Variants in SIGLEC1 observed in about 807,000 individuals in gnomAD.
SIGLEC1 encodes sialoadhesin.
In SIGLEC1, 132 loss-of-function variants were observed where a neutral mutation model predicts 148.0. The observed-to-expected ratio is 0.89, with a 90% confidence interval of 0.77 to 1.03. The LOEUF (loss-of-function observed/expected upper bound fraction) is 1.03. Among genes scored for constraint, SIGLEC1 ranks in the 50% least tolerant of loss-of-function variants. The probability of loss-of-function intolerance (pLI) is 0.00; values close to 1 mark genes in which losing one functional copy is unlikely to be tolerated. For synonymous variants in SIGLEC1, 945 were observed against 969.0 expected, an observed-to-expected ratio of 0.98 and a Z score of 0.46; for missense variants, 2,253 against 2,271.4, an observed-to-expected ratio of 0.99 and a Z score of 0.16.
Position 3,694,457 on chromosome 20 carries a change from A to G in SIGLEC1, c.3020T>C (p.Val1007Ala). The stretch of plus-strand genomic sequence containing the variant: ...CAGCTGGGCCGGAGGGTCACTGTCC[A>G]CACGGCACAGGAGGAGGCCCAGTCG... ...PGRLGLLLCRVDSDPPAQLRL... is the reference protein window; with the variant it reads ...PGRLGLLLCRADSDPPAQLRL... The change falls in exon 13 of 22, where the codon GTG (valine) becomes GCG (alanine). Residue 1007 changes from valine (V) to alanine (A), a missense_variant. Coordinates refer to ENST00000344754, the MANE Select transcript of SIGLEC1 (RefSeq NM_023068.4). 1 of 1,607,912 alleles carries G rather than the reference A, an allele frequency of 6.2e-7. No homozygotes were observed. The highest frequency in any genetic ancestry group is 1.1e-5 in the South Asian group (1 of 90,628).
Position 3,694,367 on chromosome 20 carries a change from C to T in SIGLEC1, c.3110G>A (p.Ser1037Asn), listed in dbSNP as rs773610472. Residue 1037 changes from serine (S) to asparagine (N), a missense_variant, in exon 13 of 22, where the codon AGC becomes AAC. By Grantham distance (46) the Ser-to-Asn change is conservative. Coordinates refer to ENST00000344754, the MANE Select transcript of SIGLEC1 (RefSeq NM_023068.4). ...TLQGVGGPEGSSPRLHVAVAP... is the reference protein window; with the variant it reads ...TLQGVGGPEGNSPRLHVAVAP... ...CACAGCCACATGCAGCCTGGGAGAG[C>T]TGCCTTCGGGTCCCCCCACACCTTG... 7 of 1,613,164 alleles carry T rather than the reference C, an allele frequency of 4.3e-6. No individual in the cohort carries two copies. The highest frequency in any genetic ancestry group is 5.9e-6 in the Non-Finnish European group (7 of 1,179,946).
At chr20:3,691,624 G>A in intron 17 of SIGLEC1, 24 bp from the exon 18 acceptor site, 2 of 1,605,454 alleles carry the variant, frequency 1.2e-6, no homozygotes, top group East Asian at 2.2e-5. Flanking sequence ...ATAGAGAGAT[G>A]ATTGGGGATC....
At position 3,706,325 on chromosome 20, in the gene SIGLEC1, G is replaced by T. The variant is rs758221517; in HGVS notation, c.409+22C>A. 1.9e-6 allele frequency: 3 copies of T among 1,590,214 alleles called. No individual in the cohort carries two copies. The South Asian group carries it at 3.4e-5, about 18-fold the overall frequency. ...GCTTGGGAATCCCTCCCGGGGGGCA[G>T]CCAGGCCACCCCACTTATCACCTGT... is the stretch of plus-strand genomic sequence containing the variant. On this transcript the variant is annotated intron_variant, in intron 3 of 21. Transcript: ENST00000344754.
At chr20:3,708,025 C>G (rs572037154) in intron 1 of SIGLEC1, among the ~76,000 whole-genome samples, 1 of 152,210 alleles carries the variant, frequency 6.6e-6, no homozygotes, top group African/African-American at 2.4e-5. Flanking sequence ...GGACCTAGAA[C>G]TGAAGATATG....
At chr20:3,691,817 C>G in intron 17 of SIGLEC1, 86 bp downstream of exon 17, 1 of 1,460,436 alleles carries the variant, frequency 6.8e-7, no homozygotes, top group Non-Finnish European at 9.3e-7. Context: ...GACCAGACAG[C>G]CCGCTCTAGT....
At position 3,692,007 on chromosome 20, in the gene SIGLEC1, A is replaced by G. The variant is rs1308545381; in HGVS notation, c.4226T>C (p.Leu1409Pro). The G allele has an allele frequency of 6.2e-7, 1 of 1,613,538 alleles. No individual in the cohort carries two copies. Among genetic ancestry groups the G allele is most frequent in the Non-Finnish European group, 8.5e-7 (1 of 1,179,856 alleles). The part of the protein sequence containing the change: ...TGHVQVARNA[L>P]RLQVQDVPAG... The stretch of plus-strand genomic sequence containing the variant: ...AGGCACATCTTGCACCTGCAGCCGT[A>G]GGGCGTTTCGGGCCACCTGGACATG... The change falls in exon 17 of 22, where the codon CTA (leucine) becomes CCA (proline). Residue 1409 changes from leucine to proline, a missense_variant. Coordinates refer to ENST00000344754, the MANE Select transcript of SIGLEC1 (RefSeq NM_023068.4).
chr20:3,691,818 C>G (rs1455779453), intron 17 of SIGLEC1, 85 bp downstream of exon 17: 1 of 1,463,334 alleles, frequency 6.8e-7, no homozygotes, highest in Non-Finnish European at 9.2e-7. Context: ...ACCAGACAGC[C>G]CGCTCTAGTG....
In SIGLEC1 at chr20:3,701,615, C is replaced by T. The variant is rs1282402545; in HGVS notation, c.1255G>A (p.Ala419Thr). Residue 419 changes from alanine (A) to threonine (T), a missense_variant, in exon 7 of 22, where the codon GCC becomes ACC. Ala to Thr is a moderately conservative substitution (Grantham distance 58, BLOSUM62 0). Transcript: ENST00000344754. The stretch of plus-strand genomic sequence containing the variant: ...AGTCCCGCCTGGGTCTCCAGGAAGG[C>T]TGTCAGGACTGGAGTGAGAGGCGGG... The part of the protein sequence containing the change: ...NHPPLTPVLT[A>T]FLETQAGLVG... 3 of 1,581,090 alleles carry T rather than the reference C, an allele frequency of 1.9e-6. No individual in the cohort carries two copies. Among genetic ancestry groups the T allele is most frequent in the African/African-American group, 2.7e-5 (2 of 74,492 alleles).
rs748530565 is a variant in SIGLEC1 at position 3,694,805 on chromosome 20, G to A, written c.2802C>T (p.Gly934=). ...EGTSYRWYRD[G]QPLQESTSAT... ...CCGAGGTCGACTCCTGGAGGGGCTG[G>A]CCATCCCGATACCAACGATATGAGG... Residue 934 remains glycine (G), a synonymous_variant, in exon 12 of 22, where the codon GGC becomes GGT. Coordinates refer to ENST00000344754, the MANE Select transcript of SIGLEC1 (RefSeq NM_023068.4). 1.5e-5 allele frequency: 25 copies of A among 1,613,602 alleles called. No homozygotes were observed. The highest frequency in any genetic ancestry group is 2.1e-5 in the Non-Finnish European group (25 of 1,180,030).
At chr20:3,709,604 C>T (rs1288291317) in intron 1 of SIGLEC1, among the ~76,000 whole-genome samples, 2 of 152,168 alleles carry the variant, frequency 1.3e-5, no homozygotes, top group African/African-American at 4.8e-5. Context: ...AAAACAGGGA[C>T]TCTAACAGAG....
rs1477784806 is a variant in SIGLEC1 at position 3,703,875 on chromosome 20, T to C, written c.923A>G (p.Glu308Gly). The stretch of plus-strand genomic sequence containing the variant: ...TGAGACCAAAGAGCCCACGCCGTTC[T>C]CAGCTTGGCAGGTGTAGACGCCAGC... ...SDAGVYTCQA[E>G]NGVGSLVSPP... Residue 308 changes from glutamate to glycine, a missense_variant, in exon 5 of 22, where the codon GAG (glutamate) becomes GGG (glycine). By Grantham distance (98) the Glu-to-Gly change is moderately conservative. Coordinates refer to ENST00000344754, the MANE Select transcript of SIGLEC1 (RefSeq NM_023068.4). The C allele has an allele frequency of 6.2e-7, 1 of 1,614,096 alleles. No homozygotes were observed. Among genetic ancestry groups the C allele is most frequent in the South Asian group, 1.1e-5 (1 of 91,082 alleles).
chr20:3,694,920 G>C lies in SIGLEC1; in HGVS notation c.2687C>G (p.Ala896Gly), dbSNP rs778163293. 11 of 1,609,790 alleles carry C rather than the reference G, an allele frequency of 6.8e-6. No individual in the cohort carries two copies. The highest frequency in any genetic ancestry group is 4.5e-5 in the East Asian group (2 of 44,822). The change falls in exon 12 of 22, where the codon GCC (alanine) becomes GGC (glycine). Residue 896 changes from alanine (A) to glycine (G), a missense_variant. Physicochemically the swap from Ala to Gly is moderately conservative, Grantham distance 60 (BLOSUM62 0). Transcript: ENST00000344754. ...AGGTGATGGTGACACCTGGACCCAG[G>C]CTCCTGCAGGGGAAAACCAAGAGCA... ...NTSLFFQVRG[A>G]WVQVSPSPEL...
chr20:3,692,734 C>A lies in SIGLEC1; in HGVS notation c.3817G>T (p.Glu1273Ter). ...CAGGTCACTGTGATGGGGGCACCTT[C>A]AGGCACGGCAGCCTCCGGAGCCAGG... is the stretch of plus-strand genomic sequence containing the variant. ...VILAPEAAVP[E>*]GAPITVTCAD... The change falls in exon 16 of 22, where the codon GAA (glutamate) becomes TAA (stop). Residue 1273 changes from glutamate to a stop codon, truncating the protein, a stop_gained. Transcript: ENST00000344754. LOFTEE classifies it high-confidence loss of function. 6.2e-7 allele frequency: 1 copy of A among 1,612,032 alleles called. No individual in the cohort carries two copies. The highest frequency in any genetic ancestry group is 1.3e-5 in the African/African-American group (1 of 75,062).
At chr20:3,695,983 T>G (rs897763867) in intron 11 of SIGLEC1, among the ~76,000 whole-genome samples, 4 of 152,058 alleles carry the variant, frequency 2.6e-5, no homozygotes, top group African/African-American at 9.7e-5. Context: ...AGCTAATTTT[T>G]GTATTTTTAG....
In SIGLEC1 at chr20:3,687,216, A is replaced by G. The variant is rs2088708209; in HGVS notation, c.*1344T>C. 6.6e-6 allele frequency: 1 copy of G among 152,186 alleles called. No homozygotes were observed. The highest frequency in any genetic ancestry group is 1.5e-5 in the Non-Finnish European group (1 of 68,038). 9.4% of individuals were successfully genotyped at this position (152,186 alleles called of 1,614,324 possible). ...CTTCGCTCCTCACACCATCTCCACCAGGCTGCAGGGGGAGTCACTAGCCCA... is the reference window on the plus strand; with the variant it reads ...CTTCGCTCCTCACACCATCTCCACCGGGCTGCAGGGGGAGTCACTAGCCCA... On this transcript the variant is annotated 3_prime_UTR_variant, in exon 22 of 22. Transcript: ENST00000344754.
intron 20 of SIGLEC1, 74 bp downstream of exon 20, chr20:3,689,526 G>A: frequency 9.6e-7 from 1 of 1,039,730 alleles, no homozygotes; most frequent in South Asian, 1.5e-5. Flanking sequence ...TAAAGGACCT[G>A]GGGGAATTTG....
At chr20:3,695,179 C>T (rs993229886) in intron 11 of SIGLEC1, among the ~76,000 whole-genome samples, 31 of 152,248 alleles carry the variant, frequency 2.0e-4, no homozygotes, top group African/African-American at 7.2e-4. Flanking sequence ...CATATCTCGC[C>T]TACCAAAGCG....
In SIGLEC1 at chr20:3,696,714, G is replaced by C; in HGVS notation, c.2555C>G (p.Ala852Gly). The C allele has an allele frequency of 1.2e-6, 2 of 1,613,696 alleles. No homozygotes were observed. The highest frequency in any genetic ancestry group is 1.7e-6 in the Non-Finnish European group (2 of 1,180,032). Residue 852 changes from alanine to glycine, a missense_variant, in exon 11 of 22, where the codon GCT becomes GGT. Ala to Gly is a moderately conservative substitution (Grantham distance 60). Transcript: ENST00000344754. ...PQVPSHGRFQ[A>G]KAEANSLKLE... ...CTTCAGGGAGTTGGCCTCAGCTTTA[G>C]CCTGGAACCGACCATGGGATGGGAC...
chr20:3,691,784 C>T, intron 17 of SIGLEC1, 119 bp downstream of exon 17: 3 of 1,374,328 alleles, frequency 2.2e-6, no homozygotes, highest in Non-Finnish European at 3.0e-6. Context: ...CCAGATTAGG[C>T]TTCTCAAGGC....
Sources: gnomAD v4.1 joint callset for allele counts (sites outside exome capture counted in the v4.1 genomes callset) on GRCh38, gnomAD v4.1.1 for gene constraint, MANE v1.5 for transcripts, NCBI Gene and HGNC (gene_info 2026-07-23, HGNC 2026-07-21) for gene names.